The following SEZ6L2 variants were observed in gnomAD, a reference collection of about 807,000 sequenced individuals.
SEZ6L2 encodes the protein seizure 6-like protein 2.
Under a neutral mutation model 97.0 loss-of-function variants are expected in SEZ6L2, and 44 were observed. The observed-to-expected ratio is 0.45, with a 90% CI of 0.36 to 0.58. The LOEUF (loss-of-function observed/expected upper bound fraction) is 0.58, where lower values mean the gene tolerates loss of function less well. SEZ6L2 is among the 20% of genes least tolerant of loss of function. The pLI is 0.00. For missense variants in SEZ6L2, 1,086 were observed against 1,233.3 expected, an observed-to-expected ratio of 0.88 and a Z score of 1.79; for synonymous variants, 543 against 546.1, an observed-to-expected ratio of 0.99 and a Z score of 0.08.
At chr16:29,878,566 C>CTTTTA in intron 9 of SEZ6L2, 141 bp from the exon 10 acceptor site, 1 of 587,148 alleles carries the variant, frequency 1.7e-6, no homozygotes, top group Non-Finnish European at 2.5e-6. Context: ...TTCTTTTATT[C>CTTTTA]TTTTATTTTA....
chr16:29,887,830 G>C lies in SEZ6L2; in HGVS notation c.1040-13C>G. On this transcript the variant is annotated splice_polypyrimidine_tract_variant and intron_variant, in intron 6 of 17. Transcript: ENST00000617533. ...CCACCACAGGATGCTGTGGGCAGAG[G>C]AGGGGTACGTTAAGGCCAGCCTGAG... 6.2e-7 allele frequency: 1 copy of C among 1,613,250 alleles called. No individual in the cohort carries two copies. The highest frequency in any genetic ancestry group is 8.5e-7 in the Non-Finnish European group (1 of 1,179,842).
chr16:29,871,877 G>A (rs2067790609), intron 17 of SEZ6L2, 149 bp from the exon 18 acceptor site: 7 of 754,986 alleles, frequency 9.3e-6, no homozygotes, highest in East Asian at 2.7e-5. Context: ...TTCATCCTAC[G>A]GTGTCGTAAA....
At chr16:29,875,971 T>A (rs1481315428) in intron 12 of SEZ6L2, among the ~76,000 whole-genome samples, 1 of 152,010 alleles carries the variant, frequency 6.6e-6, no homozygotes, top group East Asian at 1.9e-4. Context: ...TGTCACCTCC[T>A]CTGTGAAATC....
chr16:29,873,412 C>G lies in SEZ6L2; in HGVS notation c.2316G>C (p.Leu772=), dbSNP rs2067829655. The part of the protein sequence containing the change: ...PKCALKYEPC[L]NPGVPENGYQ... ...AGCCATTCTCGGGAACCCCCGGGTTCAGGCACGGCTCGTACTTCACTGCGG... is the reference window on the plus strand; with the variant it reads ...AGCCATTCTCGGGAACCCCCGGGTTGAGGCACGGCTCGTACTTCACTGCGG... The change falls in exon 14 of 18, where the codon CTG becomes CTC. Residue 772 remains leucine (L), a synonymous_variant. Transcript: ENST00000617533. The surrounding 1 kb of genome is among the most constrained non-coding windows in gnomAD (Gnocchi z 4.3). 6.2e-7 allele frequency: 1 copy of G among 1,614,126 alleles called. No homozygotes were observed. Among genetic ancestry groups the G allele is most frequent in the African/African-American group, 1.3e-5 (1 of 74,960 alleles).
At chr16:29,895,178 C>CAAAA (rs55954869) in intron 5 of SEZ6L2, 81 bp downstream of exon 5, 9 of 568,730 alleles carry the variant, frequency 1.6e-5, no homozygotes, top group Admixed American at 6.5e-5. Context: ...GACTCTGTCT[C>CAAAA]AAAAAAAAAA....
At position 29,899,107 on chromosome 16, in the gene SEZ6L2, ATT is replaced by A; in HGVS notation, c.-90_-89del. 1.5e-6 allele frequency: 1 copy of A among 688,556 alleles called. No homozygotes were observed. Among genetic ancestry groups the A allele is most frequent in the African/African-American group, 2.3e-5 (1 of 42,844 alleles). The allele number at this position is 688,556 out of a possible 1,614,324, so 42.7% of individuals were successfully genotyped here. ...CCGTCTCCGTTTATCTTTCCCTTTA[ATT>A]GTTTTTTTTTTTTTTTTTTTTTTCC... On this transcript the variant is annotated 5_prime_UTR_variant, in exon 1 of 18. Coordinates refer to ENST00000617533, the MANE Select transcript of SEZ6L2 (RefSeq NM_001243332.2).
rs1424535972 is a variant in SEZ6L2 at position 29,895,308 on chromosome 16, G to A, written c.804C>T (p.Phe268=). The A allele has an allele frequency of 1.2e-6, 2 of 1,614,014 alleles. No homozygotes were observed. Among genetic ancestry groups the A allele is most frequent in the Non-Finnish European group, 1.7e-6 (2 of 1,180,026 alleles). The part of the protein sequence containing the change: ...RSPTNRLLLH[F]QSPRVPRGGG... ...CGCCCCTTGGGACCCGTGGGCTCTG[G>A]AAGTGCAGAAGCAGCCGGTTGGTTG... The change falls in exon 5 of 18, where the codon TTC becomes TTT. Residue 268 remains phenylalanine, a synonymous_variant. Coordinates refer to ENST00000617533, the MANE Select transcript of SEZ6L2 (RefSeq NM_001243332.2).
chr16:29,877,149 A>G (rs1251189110), intron 11 of SEZ6L2, 122 bp downstream of exon 11: 1 of 1,204,516 alleles, frequency 8.3e-7, no homozygotes, highest in Non-Finnish European at 1.1e-6. Flanking sequence ...GCTTCAAACG[A>G]TCCTCCCGCC....
chr16:29,888,599 G>T lies in SEZ6L2; in HGVS notation c.980C>A (p.Thr327Asn), dbSNP rs1468139988. The stretch of plus-strand genomic sequence containing the variant: ...CCGGGTGCCATTGAGGCAGATGAGG[G>T]TCTCCTCTCCCTGCAGCTGGTAGCC... ...DSGYQLQGEE[T>N]LICLNGTRPS... The change falls in exon 6 of 18, where the codon ACC becomes AAC. Residue 327 changes from threonine (T) to asparagine (N), a missense_variant. Thr to Asn is a moderately conservative substitution (Grantham distance 65). Around this residue, in one of 2 missense-constraint regions of SEZ6L2, gnomAD observed 776 missense variants for 794.7 expected, o/e 0.98. Coordinates refer to ENST00000617533, the MANE Select transcript of SEZ6L2 (RefSeq NM_001243332.2). The T allele has an allele frequency of 6.8e-6, 11 of 1,614,044 alleles. No individual in the cohort carries two copies. Among genetic ancestry groups the T allele is most frequent in the South Asian group, 1.1e-5 (1 of 91,072 alleles).
chr16:29,882,586 A>G (rs892661252), intron 8 of SEZ6L2, among the ~76,000 whole-genome samples: 2 of 151,582 alleles, frequency 1.3e-5, no homozygotes, highest in African/African-American at 4.8e-5. Context: ...TCAAAAAAAA[A>G]AAAAAAAGGA....
intron 9 of SEZ6L2, among the ~76,000 whole-genome samples, chr16:29,879,212 T>C (rs1187095863): frequency 6.8e-6 from 1 of 146,766 alleles, no homozygotes; most frequent in Admixed American, 6.8e-5. Context: ...TTTATCCACC[T>C]GTTTCTTTTT....
rs1330430889 is a variant in SEZ6L2 at position 29,895,913 on chromosome 16, C to A, written c.512-53G>T. ...AAGGAATGCCTGTGCTTTTGCCCTC[C>A]CAGCCAAGCAACTCTGGCCTTCATC... On this transcript the variant is annotated intron_variant, in intron 3 of 17. Transcript: ENST00000617533. 3.2e-6 allele frequency: 5 copies of A among 1,550,344 alleles called. No individual in the cohort carries two copies. The South Asian group carries it at 4.8e-5, about 15-fold the overall frequency.
chr16:29,898,278 G>A (rs988238735), intron 1 of SEZ6L2, among the ~76,000 whole-genome samples: 3 of 152,170 alleles, frequency 2.0e-5, no homozygotes, highest in South Asian at 2.1e-4. Flanking sequence ...CAGAGGGGTC[G>A]CCGGTGCTGC....
intron 5 of SEZ6L2, among the ~76,000 whole-genome samples, chr16:29,895,022 A>T (rs986107260): frequency 4.6e-5 from 7 of 151,938 alleles, no homozygotes; most frequent in Non-Finnish European, 1.0e-4. Flanking sequence ...TACTAAAAAT[A>T]CAAAAAATTA....
chr16:29,873,792 A>C lies in SEZ6L2; in HGVS notation c.2105-63T>G. 6 of 1,420,338 alleles carry C rather than the reference A, an allele frequency of 4.2e-6. No homozygotes were observed. Among genetic ancestry groups the C allele is most frequent in the Non-Finnish European group, 5.7e-6 (6 of 1,058,542 alleles). 88.0% of individuals were successfully genotyped at this position (1,420,338 alleles called of 1,614,324 possible). A position where few individuals can be genotyped will look rare whatever the true frequency, so the allele number is the denominator to read the frequency against. ...CTTCAAAGATCAGCCTGGGCAACACAGAGAGACCCCATCTCTACAAAAAAT... is the reference window on the plus strand; with the variant it reads ...CTTCAAAGATCAGCCTGGGCAACACCGAGAGACCCCATCTCTACAAAAAAT... On this transcript the variant is annotated intron_variant, in intron 12 of 17. Transcript: ENST00000617533. The surrounding 1 kb of genome is among the most constrained non-coding windows in gnomAD (Gnocchi z 4.3).
intron 8 of SEZ6L2, among the ~76,000 whole-genome samples, chr16:29,884,684 C>A (rs563213167): frequency 6.6e-6 from 1 of 151,840 alleles, no homozygotes. Flanking sequence ...GAGGCGGAGG[C>A]GGGCAGATCA....
chr16:29,895,765 T>C lies in SEZ6L2; in HGVS notation c.607A>G (p.Thr203Ala). The change falls in exon 4 of 18, where the codon ACT becomes GCT. Residue 203 changes from threonine to alanine, a missense_variant. Coordinates refer to ENST00000617533, the MANE Select transcript of SEZ6L2 (RefSeq NM_001243332.2). The stretch of plus-strand genomic sequence containing the variant: ...CCAGGGTAGACATGGATGCTGTAAG[T>C]GCAGTCCAGGAGCCCCAGGGTGCGG... Reference protein sequence around the residue: ...VSRTLGLLDCTYSIHVYPGYG... With the variant: ...VSRTLGLLDCAYSIHVYPGYG... The C allele has an allele frequency of 1.2e-6, 2 of 1,614,110 alleles. No individual in the cohort carries two copies. Among genetic ancestry groups the C allele is most frequent in the East Asian group, 4.5e-5 (2 of 44,872 alleles).
chr16:29,883,592 T>TAG (rs2068071097), intron 8 of SEZ6L2, among the ~76,000 whole-genome samples: 1 of 152,166 alleles, frequency 6.6e-6, no homozygotes, highest in Non-Finnish European at 1.5e-5. Flanking sequence ...GTACTGGGAT[T>TAG]AGAGACACGA....
At chr16:29,889,614 C>CTTTTTTTTTTTT (rs869108927) in intron 5 of SEZ6L2, among the ~76,000 whole-genome samples, 1 of 70,524 alleles carries the variant, frequency 1.4e-5, no homozygotes, top group Non-Finnish European at 3.0e-5. Flanking sequence ...CTTGAAACTT[C>CTTTTTTTTTTTT]TTTTTTTTTT....
Sources: allele counts gnomAD v4.1 joint callset (sites outside exome capture counted in the v4.1 genomes callset), GRCh38; gene constraint gnomAD v4.1.1; regional missense constraint gnomAD v4.1.1; non-coding constraint Gnocchi (gnomAD v3.1); transcripts MANE v1.5; gene names NCBI Gene and HGNC (gene_info 2026-07-23, HGNC 2026-07-21).